The following NSUN6 variants were observed in gnomAD, a reference collection of about 807,000 sequenced individuals.
The protein encoded by NSUN6 is NOP2/Sun RNA methyltransferase 6, also known as tRNA (cytosine(72)-C(5))-methyltransferase NSUN6.
In NSUN6, 64 loss-of-function variants were observed where a neutral mutation model predicts 58.0. The observed-to-expected ratio is 1.10, with a 90% confidence interval of 0.90 to 1.36. NSUN6 has a LOEUF of 1.36. Ranked by LOEUF, NSUN6 falls within the 40% of genes most tolerant of loss-of-function variation. The pLI is 0.00. For missense variants in NSUN6, 701 were observed against 550.1 expected (o/e 1.27, Z -2.74); for synonymous variants, 231 against 193.9 (o/e 1.19, Z -1.59).
intron 8 of NSUN6, among the ~76,000 whole-genome samples, chr10:18,561,448 AGAATGGAATG>A (rs1418040226): frequency 7.0e-5 from 7 of 99,902 alleles, no homozygotes; most frequent in Non-Finnish European, 1.5e-4. Flanking sequence ...AATGGAATGG[AGAATGGAATG>A]GAATGGAAAA....
At chr10:18,595,592 T>C (rs1162474531) in intron 7 of NSUN6, among the ~76,000 whole-genome samples, 1 of 152,222 alleles carries the variant, frequency 6.6e-6, no homozygotes, top group Non-Finnish European at 1.5e-5. Flanking sequence ...CACCTTAAAT[T>C]CTTTTGGGGC....
At chr10:18,654,355 C>T (rs758747657), upstream of NSUN6, among the ~76,000 whole-genome samples, 57 of 152,124 alleles carry the variant, frequency 3.7e-4, no homozygotes, top group Non-Finnish European at 6.6e-4. Flanking sequence ...CTTTTACTTG[C>T]CAAAATGTTA....
At chr10:18,573,589 T>C (rs1024666639) in intron 8 of NSUN6, among the ~76,000 whole-genome samples, 1 of 152,150 alleles carries the variant, frequency 6.6e-6, no homozygotes, top group Non-Finnish European at 1.5e-5. Flanking sequence ...GAAAAAGTTG[T>C]CATCCCAGAA....
intron 8 of NSUN6, among the ~76,000 whole-genome samples, chr10:18,553,556 G>T (rs892988086): frequency 1.3e-5 from 2 of 151,248 alleles, no homozygotes; most frequent in Non-Finnish European, 2.9e-5. Flanking sequence ...AGGATGGAAT[G>T]GAATGAAATG....
chr10:18,632,722 G>C (rs1304718340), intron 3 of NSUN6, among the ~76,000 whole-genome samples: 1 of 152,164 alleles, frequency 6.6e-6, no homozygotes, highest in Non-Finnish European at 1.5e-5. Context: ...TCTCACACCC[G>C]TTAGAATGGC....
At chr10:18,565,100 T>C (rs931195303) in intron 8 of NSUN6, among the ~76,000 whole-genome samples, 7 of 151,090 alleles carry the variant, frequency 4.6e-5, no homozygotes, top group African/African-American at 1.7e-4. Flanking sequence ...TTACACTCCA[T>C]TCCACGTTCC....
chr10:18,576,611 G>A (rs1422232892), intron 8 of NSUN6, among the ~76,000 whole-genome samples: 1 of 152,162 alleles, frequency 6.6e-6, no homozygotes, highest in East Asian at 1.9e-4. Flanking sequence ...CTGCAGGTCA[G>A]CCCCCGAGGG....
rs114310572 is a variant in NSUN6, at chr10:18,642,641, C to T, written c.232-86G>A. 3.1e-4 allele frequency: 215 copies of T among 696,660 alleles called. 1 individual carries two copies. The African/African-American group carries it at 3.4e-3, about 11-fold the overall frequency. The allele number at this position is 696,660 out of a possible 1,614,324, so 43.2% of individuals were successfully genotyped here. ...AACTTTTCAGTATCATCATCTACCA[C>T]AGCATGAAGCCCTAGTAGCTCTGGG... On this transcript the variant is annotated intron_variant, in intron 2 of 10. Coordinates refer to ENST00000377304, the MANE Select transcript of NSUN6 (RefSeq NM_182543.5).
chr10:18,649,241 G>T (rs902271101), intron 1 of NSUN6, among the ~76,000 whole-genome samples: 8 of 152,006 alleles, frequency 5.3e-5, no homozygotes, highest in African/African-American at 1.9e-4. Context: ...CAAATATGAC[G>T]GTATAAAGAC....
At chr10:18,652,569 C>CTT (rs532727978), upstream of NSUN6, 12,045 of 880,744 alleles carry the variant, frequency 0.014, 11 homozygotes, top group African/African-American at 0.024. Context: ...TTTCTCTGCT[C>CTT]TTTTTTTTTT....
chr10:18,581,519 G>T (rs908701952), intron 8 of NSUN6, among the ~76,000 whole-genome samples: 2 of 152,080 alleles, frequency 1.3e-5, no homozygotes, highest in Non-Finnish European at 2.9e-5. Flanking sequence ...ATATACTCAA[G>T]AAATAGCCAT....
intron 10 of NSUN6, 151 bp from the exon 11 acceptor site, chr10:18,546,296 T>C (rs1374816192): frequency 1.5e-5 from 10 of 674,156 alleles, no homozygotes; most frequent in Non-Finnish European, 2.4e-5. Context: ...TGGTGGAACA[T>C]ACGTGCTGCT....
At chr10:18,611,475 G>A (rs1054199778) in intron 5 of NSUN6, among the ~76,000 whole-genome samples, 2 of 152,058 alleles carry the variant, frequency 1.3e-5, no homozygotes, top group Non-Finnish European at 2.9e-5. Context: ...GTAGATACCC[G>A]TGGACTATTA....
Position 18,548,097 on chromosome 10 carries a change from T to G in NSUN6, c.1197+15A>C, listed in dbSNP as rs772304801. On this transcript the variant is annotated intron_variant, in intron 10 of 10. Transcript: ENST00000377304. ...ATTTATCTTATTACACAGAGAAAAA[T>G]GAAATTACTCCTACCTGGGGCTGAA... The G allele has an allele frequency of 7.4e-6, 12 of 1,612,512 alleles. No homozygotes were observed. Among genetic ancestry groups the G allele is most frequent in the East Asian group, 4.5e-5 (2 of 44,822 alleles).
intron 3 of NSUN6, among the ~76,000 whole-genome samples, chr10:18,627,075 C>T (rs866492605): frequency 7.2e-5 from 11 of 152,172 alleles, no homozygotes; most frequent in Non-Finnish European, 1.2e-4. Context: ...TTTATCAAGA[C>T]AAGTCTGGCA....
At chr10:18,590,496 A>C (rs752072895) in intron 7 of NSUN6, among the ~76,000 whole-genome samples, 2 of 152,220 alleles carry the variant, frequency 1.3e-5, no homozygotes, top group Non-Finnish European at 2.9e-5. Context: ...ACTCGACCAC[A>C]TAACTGGGAG....
intron 8 of NSUN6, among the ~76,000 whole-genome samples, chr10:18,573,130 C>T (rs142514346): frequency 6.0e-5 from 9 of 151,230 alleles, no homozygotes; most frequent in African/African-American, 2.2e-4. Flanking sequence ...ATTCCATCGT[C>T]CATTCCGTTC....
chr10:18,547,629 G>A lies in NSUN6; in HGVS notation c.1197+483C>T, dbSNP rs537821620. 1.2e-4 allele frequency among the ~76,000 whole-genome samples: 18 copies of A among 152,220 alleles called. 1 individual carries two copies. The highest frequency in any genetic ancestry group is 1.2e-3 in the East Asian group (6 of 5,186). Reference sequence around the variant, plus strand: ...GTTAGGTAAAAGAAAGTATAGCAAAGCTTTTTAAATATTATACATTTTATA... The same window carrying A: ...GTTAGGTAAAAGAAAGTATAGCAAAACTTTTTAAATATTATACATTTTATA... On this transcript the variant is annotated intron_variant, in intron 10 of 10. Transcript: ENST00000377304.
chr10:18,643,101 C>T (rs2059436210), intron 2 of NSUN6, among the ~76,000 whole-genome samples: 1 of 151,888 alleles, frequency 6.6e-6, no homozygotes, highest in Non-Finnish European at 1.5e-5. Flanking sequence ...CTCAGGAGAG[C>T]CACTGCATGC....
Sources: allele counts gnomAD v4.1 joint callset (sites outside exome capture counted in the v4.1 genomes callset), GRCh38; gene constraint gnomAD v4.1.1; transcripts MANE v1.5; gene names NCBI Gene and HGNC (gene_info 2026-07-23, HGNC 2026-07-21).